Variants in TNFRSF19 observed in about 807,000 individuals in gnomAD.
TNFRSF19 encodes the protein TNF receptor superfamily member 19.
TNFRSF19 carries 27 observed loss-of-function variants against 46.4 expected under a neutral mutation model. That is an observed-to-expected ratio of 0.58 (90% CI 0.43 to 0.80). The LOEUF (loss-of-function observed/expected upper bound fraction) is 0.80, where lower values mean the gene tolerates loss of function less well. Among genes scored for constraint, TNFRSF19 ranks in the 30% least tolerant of loss-of-function variants. TNFRSF19 has a pLI of 0.00. For missense variants in TNFRSF19, 511 were observed against 530.8 expected, an observed-to-expected ratio of 0.96 and a Z score of 0.37; for synonymous variants, 204 against 205.0, an observed-to-expected ratio of 1.00 and a Z score of 0.04.
rs1198235483 is a variant in TNFRSF19 at position 23,673,739 on chromosome 13, A to T, written c.*359A>T. 3.8e-6 allele frequency: 1 copy of T among 264,720 alleles called. No homozygotes were observed. Among genetic ancestry groups the T allele is most frequent in the Non-Finnish European group, 6.7e-6 (1 of 148,728 alleles). The allele number at this position is 264,720 out of a possible 1,614,324, so 16.4% of individuals were successfully genotyped here. A position where few individuals can be genotyped will look rare whatever the true frequency, so the allele number is the denominator to read the frequency against. On this transcript the variant is annotated 3_prime_UTR_variant, in exon 10 of 10. Coordinates refer to ENST00000248484, the MANE Select transcript of TNFRSF19 (RefSeq NM_148957.4). ...CAGAAATGCCCTCATGCTTATTTTC[A>T]TGGTGATTGTGGTTTTACAAGACTG... is the stretch of plus-strand genomic sequence containing the variant.
intron 3 of TNFRSF19, among the ~76,000 whole-genome samples, chr13:23,595,679 A>G (rs1357351554): frequency 2.6e-5 from 4 of 152,182 alleles, no homozygotes; most frequent in Admixed American, 6.5e-5. Flanking sequence ...AAGTTGGAAA[A>G]CACTCTTCAG....
chr13:23,585,865 T>C (rs1426946342), intron 1 of TNFRSF19, among the ~76,000 whole-genome samples: 1 of 152,202 alleles, frequency 6.6e-6, no homozygotes, highest in Non-Finnish European at 1.5e-5. Context: ...CTCTAGCTCA[T>C]ATTGCTTTGA....
At chr13:23,586,908 T>A (rs1203037902) in intron 1 of TNFRSF19, among the ~76,000 whole-genome samples, 1 of 152,122 alleles carries the variant, frequency 6.6e-6, no homozygotes, top group East Asian at 1.9e-4. Flanking sequence ...CCAGGCATCA[T>A]TAGTCTTCTC....
chr13:23,589,161 G>A (rs1269996480), intron 1 of TNFRSF19, among the ~76,000 whole-genome samples: 1 of 151,998 alleles, frequency 6.6e-6, no homozygotes, highest in Non-Finnish European at 1.5e-5. Context: ...AAACAGAACC[G>A]CTGTTTCTCT....
intron 5 of TNFRSF19, among the ~76,000 whole-genome samples, chr13:23,655,091 T>G (rs1159865781): frequency 6.6e-6 from 1 of 152,200 alleles, no homozygotes; most frequent in Admixed American, 6.5e-5. Context: ...TGCACCTTGG[T>G]CTACTCCAAA....
chr13:23,671,294 C>G (rs1951758608), intron 9 of TNFRSF19, among the ~76,000 whole-genome samples: 2 of 152,144 alleles, frequency 1.3e-5, no homozygotes, highest in Non-Finnish European at 1.5e-5. Context: ...ATATTACACT[C>G]AAGTTGCACA....
At chr13:23,648,669 G>A (rs184373650) in intron 5 of TNFRSF19, among the ~76,000 whole-genome samples, 1 of 152,050 alleles carries the variant, frequency 6.6e-6, no homozygotes, top group African/African-American at 2.4e-5. Context: ...TTGATCTTGG[G>A]GGAAAGTAAG....
chr13:23,617,781 A>G (rs980443913), intron 4 of TNFRSF19, among the ~76,000 whole-genome samples: 1 of 152,222 alleles, frequency 6.6e-6, no homozygotes. Flanking sequence ...GAAGGAAGAA[A>G]CTGAGACTTA....
intron 7 of TNFRSF19, among the ~76,000 whole-genome samples, chr13:23,663,713 C>A (rs1479530528): frequency 6.6e-6 from 1 of 152,058 alleles, no homozygotes; most frequent in East Asian, 1.9e-4. Context: ...TTCAGGGAAT[C>A]GATTTCTTCC....
intron 1 of TNFRSF19, among the ~76,000 whole-genome samples, chr13:23,588,112 G>A (rs569765368): frequency 6.6e-6 from 1 of 152,304 alleles, no homozygotes; most frequent in South Asian, 2.1e-4. Context: ...GTTTACATCA[G>A]CTAATTCTCC....
rs71100200 is a variant in TNFRSF19 at position 23,581,133 on chromosome 13, T to TTTC, written c.-34-9015_-34-9014insCTT. Among the ~76,000 whole-genome samples the TTTC allele has an allele frequency of 1.9e-4, 22 of 113,656 alleles. 1 individual carries two copies. Among genetic ancestry groups the TTTC allele is most frequent in the South Asian group, 6.6e-4 (2 of 3,050 alleles). 74.6% of individuals were successfully genotyped at this position (113,656 alleles called of 152,430 possible). On this transcript the variant is annotated intron_variant, in intron 1 of 9. Coordinates refer to ENST00000248484, the MANE Select transcript of TNFRSF19 (RefSeq NM_148957.4). ...ATGTGCCTTTTCTTTTTTTCTTTTC[T>TTTC]TTTTTTTTTTTTGAAACGGAGTCTC...
intron 2 of TNFRSF19, among the ~76,000 whole-genome samples, chr13:23,590,881 A>G (rs1276452903): frequency 6.6e-6 from 1 of 152,226 alleles, no homozygotes; most frequent in Non-Finnish European, 1.5e-5. Context: ...TCTAGAAGCT[A>G]AAAGACCATA....
At chr13:23,591,937 G>T (rs1879340159) in intron 2 of TNFRSF19, among the ~76,000 whole-genome samples, 1 of 151,972 alleles carries the variant, frequency 6.6e-6, no homozygotes, top group African/African-American at 2.4e-5. Flanking sequence ...ATGTTGGCCA[G>T]GATGGTCTCA....
chr13:23,625,615 C>A (rs200725968), intron 4 of TNFRSF19, among the ~76,000 whole-genome samples: 1 of 152,002 alleles, frequency 6.6e-6, no homozygotes, highest in East Asian at 1.9e-4. Flanking sequence ...GGCGTGAGCC[C>A]CCGCGCCCGG....
At chr13:23,601,009 A>G (rs1481199094) in intron 3 of TNFRSF19, among the ~76,000 whole-genome samples, 1 of 152,256 alleles carries the variant, frequency 6.6e-6, no homozygotes, top group Non-Finnish European at 1.5e-5. Flanking sequence ...AACTATGATT[A>G]ATATGCTAAT....
rs556632856 is a variant in TNFRSF19 at position 23,634,943 on chromosome 13, T to C, written c.445+8151T>C. On this transcript the variant is annotated intron_variant, in intron 5 of 9. Coordinates refer to ENST00000248484, the MANE Select transcript of TNFRSF19 (RefSeq NM_148957.4). ...CGTTTTTGAGAAGGGAAAAAAGAAG[T>C]TCCAGAATAGTGTGAAATAGCAAGT... Among the ~76,000 whole-genome samples, 11 of 152,208 alleles carry C rather than the reference T, an allele frequency of 7.2e-5. No individual in the cohort carries two copies. The South Asian group carries it at 1.7e-3, about 23-fold the overall frequency.
At chr13:23,647,560 C>T (rs1041282873) in intron 5 of TNFRSF19, among the ~76,000 whole-genome samples, 4 of 151,812 alleles carry the variant, frequency 2.6e-5, no homozygotes, top group African/African-American at 7.3e-5. Context: ...CACCACCATG[C>T]CCAGCTACAT....
intron 5 of TNFRSF19, among the ~76,000 whole-genome samples, chr13:23,643,564 T>TA (rs1292748266): frequency 3.9e-5 from 6 of 152,206 alleles, no homozygotes; most frequent in African/African-American, 1.4e-4. Flanking sequence ...AGAACGGATA[T>TA]AAACATCTCC....
intron 7 of TNFRSF19, among the ~76,000 whole-genome samples, chr13:23,664,695 T>C (rs1163771161): frequency 6.6e-6 from 1 of 152,234 alleles, no homozygotes; most frequent in Non-Finnish European, 1.5e-5. Context: ...TGTTCCAGTC[T>C]CATGTTGTAT....
Sources: gnomAD v4.1 joint callset for allele counts (sites outside exome capture counted in the v4.1 genomes callset) on GRCh38, gnomAD v4.1.1 for gene constraint, MANE v1.5 for transcripts, NCBI Gene and HGNC (gene_info 2026-07-23, HGNC 2026-07-21) for gene names.